The following CNTNAP2 variants were observed in gnomAD, a reference collection of about 807,000 sequenced individuals.
CNTNAP2 encodes the protein contactin associated protein 2.
A neutral mutation model predicts 155.2 loss-of-function variants in CNTNAP2; 98 were observed. The ratio of observed to expected loss-of-function variants is 0.63; its 90% CI spans 0.54 to 0.75. The LOEUF (loss-of-function observed/expected upper bound fraction) is 0.75. Among genes scored for constraint, CNTNAP2 ranks in the 30% least tolerant of loss-of-function variants. The pLI is 0.00. For missense variants in CNTNAP2, 1,727 were observed against 1,688.1 expected, an observed-to-expected ratio of 1.02 and a Z score of -0.40; for synonymous variants, 651 against 631.2, an observed-to-expected ratio of 1.03 and a Z score of -0.47.
At chr7:147,804,245 T>C (rs1798054171) in intron 13 of CNTNAP2, among the ~76,000 whole-genome samples, 1 of 152,182 alleles carries the variant, frequency 6.6e-6, no homozygotes, top group Admixed American at 6.5e-5. Context: ...AATTGATAAT[T>C]AATAGGTTCT....
At chr7:146,832,242 C>T (rs1803527129) in intron 2 of CNTNAP2, among the ~76,000 whole-genome samples, 1 of 152,056 alleles carries the variant, frequency 6.6e-6, no homozygotes, top group Non-Finnish European at 1.5e-5. Context: ...GGCTTAAACT[C>T]ATGTTACATA....
intron 3 of CNTNAP2, among the ~76,000 whole-genome samples, chr7:146,996,876 G>A (rs949388033): frequency 6.6e-6 from 1 of 151,982 alleles, no homozygotes; most frequent in Non-Finnish European, 1.5e-5. Context: ...GAATCATAGG[G>A]GTGGTTTCCC....
At chr7:147,550,436 T>C (rs1199448601) in intron 11 of CNTNAP2, among the ~76,000 whole-genome samples, 1 of 152,210 alleles carries the variant, frequency 6.6e-6, no homozygotes, top group Non-Finnish European at 1.5e-5. Flanking sequence ...ATGTAAGATA[T>C]GCCTTTGCTC....
At chr7:148,244,448 T>C (rs2116804154) in intron 20 of CNTNAP2, among the ~76,000 whole-genome samples, 1 of 152,324 alleles carries the variant, frequency 6.6e-6, no homozygotes, top group African/African-American at 2.4e-5. Context: ...GAGCCCAGTG[T>C]GTATATTTAT....
intron 9 of CNTNAP2, among the ~76,000 whole-genome samples, chr7:147,317,780 G>A (rs1015990481): frequency 2.2e-4 from 21 of 94,124 alleles, no homozygotes; most frequent in African/African-American, 8.4e-4. Context: ...ATATATATGT[G>A]TGTGTGTGTG....
rs931710452 is a variant in CNTNAP2 at position 148,313,293 on chromosome 7, C to T, written c.3475+46167C>T. ...CATCCGTGATAGTCTAGGGGGCTTC[C>T]GAGGTGATCGGGCAGCGTCCGTCTT... is the stretch of plus-strand genomic sequence containing the variant. On this transcript the variant is annotated intron_variant, in intron 21 of 23. Coordinates refer to ENST00000361727, the MANE Select transcript of CNTNAP2 (RefSeq NM_014141.6). Among the ~76,000 whole-genome samples, 11 of 150,506 alleles carry T rather than the reference C, an allele frequency of 7.3e-5. 1 individual carries two copies. In the South Asian group the frequency reaches 8.6e-4, roughly 12 times the overall value.
intron 3 of CNTNAP2, among the ~76,000 whole-genome samples, chr7:146,956,457 A>AAGT (rs1361384825): frequency 2.4e-4 from 37 of 152,302 alleles, no homozygotes; most frequent in African/African-American, 8.7e-4. Context: ...AAGAAAGGAA[A>AAGT]AGTGCTGTCT....
At chr7:147,146,717 A>T (rs1479433125) in intron 8 of CNTNAP2, 1 of 152,362 alleles carries the variant, frequency 6.6e-6, no homozygotes, top group Middle Eastern at 3.4e-3. Context: ...ATTTTGAATA[A>T]CACTGAAGTG....
At chr7:147,267,032 C>CTTCATTT (rs1317372708) in intron 8 of CNTNAP2, among the ~76,000 whole-genome samples, 4 of 152,144 alleles carry the variant, frequency 2.6e-5, no homozygotes, top group Non-Finnish European at 4.4e-5. Flanking sequence ...TACACTCAAG[C>CTTCATTT]TTCATTTTCA....
At chr7:147,362,914 A>G (rs954652647) in intron 9 of CNTNAP2, among the ~76,000 whole-genome samples, 15 of 152,190 alleles carry the variant, frequency 9.9e-5, no homozygotes, top group Admixed American at 2.0e-4. Context: ...TCAAGAGTCA[A>G]TTGAGTTGGA....
At chr7:148,305,306 C>A (rs1797471907) in intron 21 of CNTNAP2, among the ~76,000 whole-genome samples, 1 of 143,492 alleles carries the variant, frequency 7.0e-6, no homozygotes. Context: ...TTGTTTTCTT[C>A]ATTTGCTTAA....
intron 12 of CNTNAP2, among the ~76,000 whole-genome samples, chr7:147,570,790 T>C (rs1435847892): frequency 6.6e-6 from 1 of 152,224 alleles, no homozygotes; most frequent in Non-Finnish European, 1.5e-5. Flanking sequence ...GGCTTGTGTG[T>C]TCAGAGCTGG....
intron 1 of CNTNAP2, among the ~76,000 whole-genome samples, chr7:146,468,455 AAAG>A (rs1253787279): frequency 2.6e-5 from 4 of 152,246 alleles, no homozygotes; most frequent in East Asian, 1.9e-4. Flanking sequence ...AAAAAAAAAA[AAAG>A]AAGACAATGA....
At chr7:147,725,560 T>A (rs1796627071) in intron 13 of CNTNAP2, among the ~76,000 whole-genome samples, 1 of 152,056 alleles carries the variant, frequency 6.6e-6, no homozygotes, top group Non-Finnish European at 1.5e-5. Context: ...CTCTCTCTCC[T>A]CCTCTCTGGA....
chr7:146,124,399 CAT>C (rs1419601699), intron 1 of CNTNAP2, among the ~76,000 whole-genome samples: 1 of 151,968 alleles, frequency 6.6e-6, no homozygotes, highest in Non-Finnish European at 1.5e-5. Flanking sequence ...TATTAAGTAA[CAT>C]AAGTACAGAC....
intron 1 of CNTNAP2, among the ~76,000 whole-genome samples, chr7:146,377,604 A>G (rs1584896523): frequency 6.6e-6 from 1 of 152,214 alleles, no homozygotes; most frequent in African/African-American, 2.4e-5. Flanking sequence ...CCCAGTCACT[A>G]CCGGCCACTC....
intron 15 of CNTNAP2, among the ~76,000 whole-genome samples, chr7:148,110,427 C>T (rs1804321781): frequency 6.6e-6 from 1 of 152,004 alleles, no homozygotes; most frequent in Non-Finnish European, 1.5e-5. Context: ...TTCCTGTCAT[C>T]ACTCCCACCC....
chr7:146,345,137 CT>C (rs1794799938), intron 1 of CNTNAP2, among the ~76,000 whole-genome samples: 1 of 152,004 alleles, frequency 6.6e-6, no homozygotes, highest in African/African-American at 2.4e-5. Flanking sequence ...GGTGGTTGTA[CT>C]TGATTATTAT....
intron 21 of CNTNAP2, among the ~76,000 whole-genome samples, chr7:148,354,305 A>G (rs548451483): frequency 2.8e-4 from 41 of 146,096 alleles, no homozygotes; most frequent in Non-Finnish European, 5.2e-4. Context: ...TTTCTGTCAC[A>G]TTTTTCTGGT....
Sources: allele counts gnomAD v4.1 joint callset (sites outside exome capture counted in the v4.1 genomes callset), GRCh38; gene constraint gnomAD v4.1.1; transcripts MANE v1.5; gene names NCBI Gene and HGNC (gene_info 2026-07-23, HGNC 2026-07-21).